Variants in DNM2 observed in about 807,000 individuals in gnomAD.
The protein encoded by DNM2 is dynamin 2, also known as dynamin-2.
Under a neutral mutation model 99.0 loss-of-function variants are expected in DNM2, and 15 were observed. The observed-to-expected ratio is 0.15, with a 90% CI of 0.10 to 0.23. The LOEUF (loss-of-function observed/expected upper bound fraction) is 0.23, where lower values mean the gene tolerates loss of function less well. DNM2 is among the 10% of genes least tolerant of loss of function. The pLI is 1.00. For missense variants in DNM2, 742 were observed against 1,189.4 expected, an observed-to-expected ratio of 0.62 and a Z score of 5.53; for synonymous variants, 525 against 481.2, an observed-to-expected ratio of 1.09 and a Z score of -1.19.
intron 6 of DNM2, among the ~76,000 whole-genome samples, chr19:10,785,633 G>A (rs1006639312): frequency 6.6e-6 from 1 of 151,956 alleles, no homozygotes; most frequent in Non-Finnish European, 1.5e-5. Context: ...TAGAGAGAAG[G>A]TCTCACCATA....
intron 1 of DNM2, among the ~76,000 whole-genome samples, chr19:10,732,618 A>G (rs1233581103): frequency 6.6e-6 from 1 of 151,784 alleles, no homozygotes; most frequent in East Asian, 2.0e-4. Context: ...AGGAAAAACA[A>G]TTCACCCTGT....
chr19:10,808,663 C>G (rs1599595509), intron 14 of DNM2, 83 bp downstream of exon 14: 3 of 1,465,552 alleles, frequency 2.0e-6, no homozygotes, highest in Non-Finnish European at 2.8e-6. Flanking sequence ...ATTCCCTGTT[C>G]CCCATCCCCT....
At position 10,796,749 on chromosome 19, in the gene DNM2, T is replaced by A. The variant is rs11672991; in HGVS notation, c.1197-631T>A. On this transcript the variant is annotated intron_variant, in intron 9 of 20. Coordinates refer to ENST00000389253, the MANE Select transcript of DNM2 (RefSeq NM_001005361.3). The surrounding 1 kb of genome is among the most constrained non-coding windows in gnomAD (Gnocchi z 5.6). ...CACGCTGTCCCCCAGGGGCAGCCCA[T>A]TTTTGGATCCACTTAGTCACAGTGC... is the stretch of plus-strand genomic sequence containing the variant. Among the ~76,000 whole-genome samples the A allele has an allele frequency of 0.062, 9,440 of 152,148 alleles. 299 individuals are homozygous for A. The highest frequency in any genetic ancestry group is 0.082 in the South Asian group (396 of 4,818).
chr19:10,799,290 A>G (rs1341662714), intron 11 of DNM2, among the ~76,000 whole-genome samples: 1 of 152,052 alleles, frequency 6.6e-6, no homozygotes. Flanking sequence ...TCCCTATCCT[A>G]CAGTCCTTCA....
At position 10,746,727 on chromosome 19, in the gene DNM2, G is replaced by GTTTTTT. The variant is rs757494612; in HGVS notation, c.162-13010_162-13005dup. Among the ~76,000 whole-genome samples, 25 of 116,208 alleles carry GTTTTTT rather than the reference G, an allele frequency of 2.2e-4. 2 individuals are homozygous for GTTTTTT. Among genetic ancestry groups the GTTTTTT allele is most frequent in the Admixed American group, 3.1e-4 (3 of 9,770 alleles). 76.2% of individuals were successfully genotyped at this position (116,208 alleles called of 152,430 possible). The stretch of plus-strand genomic sequence containing the variant: ...GAGCAACCGTGCCGGCTTTTTTTTT[G>GTTTTTT]TTTTTTGTTTTTTTTTTTTTTGAGA... On this transcript the variant is annotated intron_variant, in intron 1 of 20. Transcript: ENST00000389253.
Position 10,812,209 on chromosome 19 carries a change from G to A in DNM2, c.1558-55G>A. 6.8e-7 allele frequency: 1 copy of A among 1,480,184 alleles called. No homozygotes were observed. 91.7% of individuals were successfully genotyped at this position (1,480,184 alleles called of 1,614,324 possible). ...GCTGTGGGCAAGGCTGCTGCGCTGG[G>A]GGATGGCTGGGGCACGGAGCGAGGT... On this transcript the variant is annotated intron_variant, in intron 14 of 20. Transcript: ENST00000389253. This position sits in a 1 kb window ranked among gnomAD's most constrained non-coding sequence, Gnocchi z 4.0.
intron 2 of DNM2, among the ~76,000 whole-genome samples, chr19:10,771,883 G>A (rs913686525): frequency 1.3e-5 from 2 of 151,918 alleles, no homozygotes; most frequent in South Asian, 2.1e-4. Context: ...ATGTCATGAC[G>A]TATATTAACA....
At chr19:10,724,327 G>A (rs2069041309) in intron 1 of DNM2, among the ~76,000 whole-genome samples, 1 of 152,140 alleles carries the variant, frequency 6.6e-6, no homozygotes, top group African/African-American at 2.4e-5. Flanking sequence ...ACAGGCGCCT[G>A]CCACCAGGCC....
At chr19:10,810,780 T>A (rs1041559461) in intron 14 of DNM2, 1 of 152,266 alleles carries the variant, frequency 6.6e-6, no homozygotes, top group African/African-American at 2.4e-5. Flanking sequence ...GGAACCAGGG[T>A]CTACTAAGCA....
chr19:10,829,142 T>A lies in DNM2; in HGVS notation c.2165T>A (p.Met722Lys). The A allele has an allele frequency of 6.2e-7, 1 of 1,613,894 alleles. No individual in the cohort carries two copies. The highest frequency in any genetic ancestry group is 8.5e-7 in the Non-Finnish European group (1 of 1,180,010). Residue 722 changes from methionine (M) to lysine (K), a missense_variant, in exon 19 of 21, where the codon ATG (methionine) becomes AAG (lysine). Transcript: ENST00000389253. ...GACCAGGCACAGCGGCGGGACGACA[T>A]GCTGCGCATGTACCATGCCCTCAAG... ...SADQAQRRDDMLRMYHALKEA... is the reference protein window; with the variant it reads ...SADQAQRRDDKLRMYHALKEA...
chr19:10,755,960 G>A (rs1462369121), intron 1 of DNM2, among the ~76,000 whole-genome samples: 4 of 152,208 alleles, frequency 2.6e-5, no homozygotes, highest in African/African-American at 9.6e-5. Flanking sequence ...CACTGTGCCT[G>A]ACCTGAGACA....
Position 10,831,827 on chromosome 19 carries a change from G to A in DNM2, c.*780G>A, listed in dbSNP as rs1228446144. The A allele has an allele frequency of 1.2e-5, 12 of 989,652 alleles. No homozygotes were observed. Among genetic ancestry groups the A allele is most frequent in the Non-Finnish European group, 1.2e-5 (10 of 832,510 alleles). 61.3% of individuals were successfully genotyped at this position (989,652 alleles called of 1,614,324 possible). ...TCTGAGGAGACCTCACCCACTCCTC[G>A]CTCAGTTTGACCACTGTAAGTGCCT... On this transcript the variant is annotated 3_prime_UTR_variant, in exon 21 of 21. Coordinates refer to ENST00000389253, the MANE Select transcript of DNM2 (RefSeq NM_001005361.3). This position sits in a 1 kb window ranked among gnomAD's most constrained non-coding sequence, Gnocchi z 4.3.
Position 10,811,845 on chromosome 19 carries a change from G to A in DNM2, c.1558-419G>A. On this transcript the variant is annotated intron_variant, in intron 14 of 20. Coordinates refer to ENST00000389253, the MANE Select transcript of DNM2 (RefSeq NM_001005361.3). This position sits in a 1 kb window ranked among gnomAD's most constrained non-coding sequence, Gnocchi z 5.4. ...GCGCTCCTTCAATGTCCTTGGGGAG[G>A]GCCCCTGGGCTCACACCTTTGACCC... 2.0e-6 allele frequency: 1 copy of A among 511,768 alleles called. No individual in the cohort carries two copies. The highest frequency in any genetic ancestry group is 1.4e-5 in the South Asian group (1 of 70,060). The allele number at this position is 511,768 out of a possible 1,614,324, so 31.7% of individuals were successfully genotyped here. A position where few individuals can be genotyped will look rare whatever the true frequency, so the allele number is the denominator to read the frequency against.
chr19:10,809,742 G>C (rs777894802), intron 14 of DNM2: 1 of 152,418 alleles, frequency 6.6e-6, no homozygotes, highest in African/African-American at 2.4e-5. Context: ...CCACCAAGGC[G>C]CTGGTCATCC....
At chr19:10,779,750 A>G (rs899960090) in intron 5 of DNM2, among the ~76,000 whole-genome samples, 2 of 151,696 alleles carry the variant, frequency 1.3e-5, no homozygotes, top group African/African-American at 4.8e-5. Flanking sequence ...CAGGGGCACA[A>G]TCTCAGCTGA....
intron 2 of DNM2, among the ~76,000 whole-genome samples, chr19:10,766,082 A>C (rs1029850952): frequency 2.0e-5 from 3 of 152,140 alleles, no homozygotes; most frequent in Admixed American, 6.5e-5. Flanking sequence ...AGGAACCCGG[A>C]GCTGGGTGTC....
intron 7 of DNM2, among the ~76,000 whole-genome samples, chr19:10,790,801 T>G (rs1332039058): frequency 6.6e-6 from 1 of 152,098 alleles, no homozygotes; most frequent in Non-Finnish European, 1.5e-5. Flanking sequence ...GGGTCTCGCC[T>G]TGTTGCCCAG....
chr19:10,753,766 C>T (rs889886578), intron 1 of DNM2, among the ~76,000 whole-genome samples: 2 of 151,482 alleles, frequency 1.3e-5, no homozygotes, highest in African/African-American at 4.9e-5. Flanking sequence ...AAGCGATTCT[C>T]CTGTCTCAGC....
rs778426735 is a variant in DNM2, at chr19:10,817,388, T to TG, written c.1672-2586dup. 1.4e-4 allele frequency: 67 copies of TG among 487,878 alleles called. No homozygotes were observed. The highest frequency in any genetic ancestry group is 2.3e-4 in the Non-Finnish European group (55 of 237,340). The allele number at this position is 487,878 out of a possible 1,614,324, so 30.2% of individuals were successfully genotyped here. A position where few individuals can be genotyped will look rare whatever the true frequency, so the allele number is the denominator to read the frequency against. Reference sequence around the variant, plus strand: ...AATGACACTCACCTGCCGGCGAGTTTGGGGGGCCTGTCTCGACGAGCCGCT... The same window carrying TG: ...AATGACACTCACCTGCCGGCGAGTTTGGGGGGGCCTGTCTCGACGAGCCGCT... On this transcript the variant is annotated intron_variant, in intron 15 of 20. Coordinates refer to ENST00000389253, the MANE Select transcript of DNM2 (RefSeq NM_001005361.3). This position sits in a 1 kb window ranked among gnomAD's most constrained non-coding sequence, Gnocchi z 4.6.
Sources: gnomAD v4.1 joint callset for allele counts (sites outside exome capture counted in the v4.1 genomes callset) on GRCh38, gnomAD v4.1.1 for gene constraint, Gnocchi (gnomAD v3.1) non-coding constraint, MANE v1.5 for transcripts, NCBI Gene and HGNC (gene_info 2026-07-23, HGNC 2026-07-21) for gene names.